TENM2: variants seen among roughly 807,000 people sequenced by gnomAD.
TENM2 encodes teneurin-2.
Under a neutral mutation model 245.2 loss-of-function variants are expected in TENM2, and 52 were observed. That is an observed-to-expected ratio of 0.21 (90% CI 0.17 to 0.27). TENM2 has a LOEUF of 0.27. Among genes scored for constraint, TENM2 ranks in the 10% least tolerant of loss-of-function variants. TENM2 has a pLI of 1.00. For missense variants in TENM2, 3,046 were observed against 3,666.8 expected, an observed-to-expected ratio of 0.83 and a Z score of 4.37; for synonymous variants, 1,363 against 1,438.9, an observed-to-expected ratio of 0.95 and a Z score of 1.19.
chr5:168,081,532 T>G (rs1303246393), intron 7 of TENM2, among the ~76,000 whole-genome samples: 1 of 152,242 alleles, frequency 6.6e-6, no homozygotes, highest in African/African-American at 2.4e-5. Context: ...GCATCGATGG[T>G]GTTTACAATT....
At chr5:167,252,050 G>A in the TENM2 span, among the ~76,000 whole-genome samples, 1 of 152,100 alleles carries the variant, frequency 6.6e-6, no homozygotes, top group Non-Finnish European at 1.5e-5. Context: ...CAGGGCCAAG[G>A]GCAGGTCTTT....
intron 7 of TENM2, among the ~76,000 whole-genome samples, chr5:168,074,916 A>C (rs1791332550): frequency 6.6e-6 from 1 of 152,200 alleles, no homozygotes; most frequent in Admixed American, 6.5e-5. Context: ...GTATAATGTT[A>C]AAACTACCCA....
intron 2 of TENM2, among the ~76,000 whole-genome samples, chr5:167,640,904 T>TATATATA (rs1561629289): frequency 1.3e-4 from 15 of 113,480 alleles, no homozygotes; most frequent in African/African-American, 4.8e-4. Context: ...TATATATATA[T>TATATATA]ATCTTTCTCT....
At chr5:167,383,753 TC>T (rs1429950563) in intron 2 of TENM2, among the ~76,000 whole-genome samples, 1 of 149,650 alleles carries the variant, frequency 6.7e-6, no homozygotes, top group Non-Finnish European at 1.5e-5. Context: ...AAAAAAAACT[TC>T]CGTATAAATG....
At chr5:168,161,010 G>A (rs944235797) in intron 12 of TENM2, among the ~76,000 whole-genome samples, 1 of 152,174 alleles carries the variant, frequency 6.6e-6, no homozygotes, top group African/African-American at 2.4e-5. Flanking sequence ...CAGCCTGAGT[G>A]AGAGAGTGAG....
At chr5:167,543,097 C>T (rs544846238) in intron 2 of TENM2, among the ~76,000 whole-genome samples, 3 of 152,230 alleles carry the variant, frequency 2.0e-5, no homozygotes, top group Middle Eastern at 3.4e-3. Context: ...GAGGTGGAGC[C>T]CAGGAATCTG....
At chr5:167,788,675 A>G (rs1233203467) in intron 2 of TENM2, among the ~76,000 whole-genome samples, 1 of 152,214 alleles carries the variant, frequency 6.6e-6, no homozygotes, top group East Asian at 1.9e-4. Flanking sequence ...GTGGTAACAG[A>G]AAAACTTAGA....
chr5:167,852,552 C>A (rs1770679337), intron 2 of TENM2, among the ~76,000 whole-genome samples: 1 of 152,176 alleles, frequency 6.6e-6, no homozygotes, highest in Non-Finnish European at 1.5e-5. Flanking sequence ...GATGATTTAA[C>A]AAGACAAGAA....
the TENM2 span, among the ~76,000 whole-genome samples, chr5:167,257,294 T>C: frequency 6.6e-6 from 1 of 152,142 alleles, no homozygotes; most frequent in Non-Finnish European, 1.5e-5. Flanking sequence ...TTTATATACT[T>C]ATAAATATGA....
At chr5:168,121,830 A>G (rs1269873301) in intron 10 of TENM2, among the ~76,000 whole-genome samples, 1 of 152,136 alleles carries the variant, frequency 6.6e-6, no homozygotes, top group Admixed American at 6.5e-5. Context: ...ATTTTTGTGT[A>G]TATTTTGATT....
chr5:167,431,943 A>G (rs1319230671), intron 2 of TENM2, among the ~76,000 whole-genome samples: 1 of 92,500 alleles, frequency 1.1e-5, no homozygotes. Context: ...ATATATACAT[A>G]TATATGTATA....
At chr5:167,767,896 T>C (rs889304726) in intron 2 of TENM2, among the ~76,000 whole-genome samples, 21 of 152,186 alleles carry the variant, frequency 1.4e-4, no homozygotes, top group African/African-American at 5.1e-4. Flanking sequence ...CAAGGAGAGC[T>C]TTATTTTTAA....
chr5:168,191,632 T>C (rs1026775446), intron 14 of TENM2, among the ~76,000 whole-genome samples: 1 of 151,420 alleles, frequency 6.6e-6, no homozygotes, highest in Non-Finnish European at 1.5e-5. Flanking sequence ...TTGTGCCATC[T>C]TTGTCTTATT....
chr5:167,234,494 C>T, the TENM2 span, among the ~76,000 whole-genome samples: 1 of 152,134 alleles, frequency 6.6e-6, no homozygotes, highest in Admixed American at 6.5e-5. Context: ...AAAATAGAAC[C>T]ACATACTATT....
At chr5:167,749,175 A>G (rs577483198) in intron 2 of TENM2, among the ~76,000 whole-genome samples, 1 of 152,302 alleles carries the variant, frequency 6.6e-6, no homozygotes, top group Non-Finnish European at 1.5e-5. Flanking sequence ...CAAAAACAAC[A>G]AAAAAGTGTT....
exon 10 of TENM2, chr5:168,118,371 A>G (rs1336765092): frequency 1.9e-6 from 3 of 1,611,808 alleles, no homozygotes; most frequent in African/African-American, 2.7e-5. Flanking sequence ...GGAAAGGTGC[A>G]GAGTGCGACG....
At chr5:167,384,519 C>A (rs1761297607) in intron 2 of TENM2, among the ~76,000 whole-genome samples, 1 of 152,068 alleles carries the variant, frequency 6.6e-6, no homozygotes, top group African/African-American at 2.4e-5. Flanking sequence ...GATTGAGTAG[C>A]AGTAGAAATA....
chr5:167,038,835 G>A, the TENM2 span, among the ~76,000 whole-genome samples: 4 of 152,068 alleles, frequency 2.6e-5, no homozygotes, highest in African/African-American at 7.2e-5. Flanking sequence ...CCTTGGACTC[G>A]GTTTACTCAG....
chr5:167,375,388 G>T, exon 2 of TENM2: 5 of 1,551,702 alleles, frequency 3.2e-6, no homozygotes, highest in Non-Finnish European at 4.4e-6. Context: ...TAAAATCCAG[G>T]CGCAGTTCCG....
Sources: allele counts gnomAD v4.1 joint callset (sites outside exome capture counted in the v4.1 genomes callset), GRCh38; gene constraint gnomAD v4.1.1; transcripts MANE v1.5; gene names NCBI Gene and HGNC (gene_info 2026-07-23, HGNC 2026-07-21).